LRRC37A2: variants seen among roughly 807,000 people sequenced by gnomAD.
The protein encoded by LRRC37A2 is leucine rich repeat containing 37 member A2, also known as leucine-rich repeat-containing protein 37A2.
In LRRC37A2, 9 loss-of-function variants were observed where a neutral mutation model predicts 68.8. The ratio of observed to expected loss-of-function variants is 0.13; its 90% CI spans 0.08 to 0.23. LRRC37A2 has a LOEUF of 0.23. Ranked by LOEUF, LRRC37A2 falls within the 10% of genes least tolerant of loss-of-function variation. The probability of loss-of-function intolerance (pLI) is 1.00; values close to 1 mark genes in which losing one functional copy is unlikely to be tolerated. For synonymous variants in LRRC37A2, 63 were observed against 367.6 expected (o/e 0.17, Z 9.48); for missense variants, 168 against 950.4 (o/e 0.18, Z 10.82).
the LRRC37A2 span, chr17:46,721,801 C>T: frequency 6.2e-7 from 1 of 1,601,146 alleles, no homozygotes; most frequent in Non-Finnish European, 8.6e-7. Flanking sequence ...GCACAGCTGT[C>T]AGAGTACGGC....
the LRRC37A2 span, among the ~76,000 whole-genome samples, chr17:46,982,387 G>A: frequency 6.6e-6 from 1 of 152,172 alleles, no homozygotes; most frequent in Non-Finnish European, 1.5e-5. Flanking sequence ...TGCAGAATGG[G>A]GCCCTGCCCA....
At chr17:46,934,201 C>G in the LRRC37A2 span, among the ~76,000 whole-genome samples, 6 of 152,208 alleles carry the variant, frequency 3.9e-5, no homozygotes, top group Admixed American at 3.9e-4. Context: ...GGACACACTT[C>G]CAGCTGTGTG....
the LRRC37A2 span, chr17:46,409,252 C>CT: frequency 2.6e-6 from 1 of 379,956 alleles, no homozygotes; most frequent in Non-Finnish European, 4.8e-6. Flanking sequence ...AGAAAAATAT[C>CT]TAAGTATTAT....
At chr17:47,020,806 A>AAAAAAAAAAAAAAAAAAAAC in the LRRC37A2 span, among the ~76,000 whole-genome samples, 1 of 131,202 alleles carries the variant, frequency 7.6e-6, no homozygotes, top group African/African-American at 2.7e-5. Context: ...AAAAAAAAAA[A>AAAAAAAAAAAAAAAAAAAAC]TAGGAGGGAA....
the LRRC37A2 span, among the ~76,000 whole-genome samples, chr17:46,503,161 G>A: frequency 1.4e-5 from 2 of 143,352 alleles, 1 homozygote; most frequent in African/African-American, 5.4e-5. Flanking sequence ...GCAGTGAGCC[G>A]AGATCATGCC....
At chr17:46,935,056 G>A in the LRRC37A2 span, 25 of 1,612,384 alleles carry the variant, frequency 1.6e-5, 1 homozygote, top group South Asian at 2.2e-5. Context: ...ACCAATGGAC[G>A]AATCACTGCA....
At chr17:46,925,456 A>G in the LRRC37A2 span, among the ~76,000 whole-genome samples, 2 of 152,138 alleles carry the variant, frequency 1.3e-5, no homozygotes, top group South Asian at 2.1e-4. Context: ...TATCTTGTCT[A>G]TCTTTCCTCT....
chr17:46,939,256 C>T, the LRRC37A2 span: 1 of 1,037,938 alleles, frequency 9.6e-7, no homozygotes, highest in Non-Finnish European at 1.2e-6. Context: ...GTGCTCCTGG[C>T]CACCCTCCCC....
chr17:46,987,963 G>A, the LRRC37A2 span, among the ~76,000 whole-genome samples: 1 of 152,202 alleles, frequency 6.6e-6, no homozygotes, highest in South Asian at 2.1e-4. Flanking sequence ...CCTGAGGTCA[G>A]GAGTTTGGGA....
the LRRC37A2 span, among the ~76,000 whole-genome samples, chr17:46,626,056 C>A: frequency 6.9e-6 from 1 of 145,712 alleles, no homozygotes; most frequent in Non-Finnish European, 1.5e-5. Context: ...TTTTTTAAAA[C>A]AGTAAATATT....
chr17:47,028,722 A>G, the LRRC37A2 span, among the ~76,000 whole-genome samples: 1 of 151,880 alleles, frequency 6.6e-6, no homozygotes, highest in Admixed American at 6.6e-5. Flanking sequence ...AGCCTGGCCA[A>G]CATAGTGAAA....
chr17:46,827,380 C>A, the LRRC37A2 span, among the ~76,000 whole-genome samples: 1 of 152,142 alleles, frequency 6.6e-6, no homozygotes, highest in Non-Finnish European at 1.5e-5. Flanking sequence ...TAAGAAATAT[C>A]TTTTCCCTGC....
the LRRC37A2 span, chr17:46,936,413 C>G: frequency 1.0e-6 from 1 of 985,278 alleles, no homozygotes; most frequent in African/African-American, 1.7e-5. Context: ...ACACTGATAC[C>G]AGAGGGGAAG....
At chr17:46,720,235 G>A in the LRRC37A2 span, among the ~76,000 whole-genome samples, 13 of 152,124 alleles carry the variant, frequency 8.5e-5, no homozygotes, top group Non-Finnish European at 1.9e-4. Flanking sequence ...TGGGCACTCC[G>A]GAAGTGACTA....
chr17:46,908,038 TC>T, the LRRC37A2 span, among the ~76,000 whole-genome samples: 2 of 152,104 alleles, frequency 1.3e-5, no homozygotes, highest in East Asian at 3.9e-4. Context: ...TTACCGACCC[TC>T]TAATCCCCCA....
At chr17:46,753,075 C>A in the LRRC37A2 span, among the ~76,000 whole-genome samples, 1 of 152,202 alleles carries the variant, frequency 6.6e-6, no homozygotes, top group South Asian at 2.1e-4. Context: ...GGCCAGTAAA[C>A]TTCTGTTGGA....
the LRRC37A2 span, among the ~76,000 whole-genome samples, chr17:47,033,693 T>A: frequency 6.6e-6 from 1 of 152,246 alleles, no homozygotes; most frequent in African/African-American, 2.4e-5. Context: ...ATAGCCCATC[T>A]ATCTGGACCT....
At chr17:46,977,341 C>T in the LRRC37A2 span, among the ~76,000 whole-genome samples, 3 of 152,238 alleles carry the variant, frequency 2.0e-5, no homozygotes, top group Non-Finnish European at 4.4e-5. Flanking sequence ...CCAAGAACCG[C>T]TTGAGCGGGG....
At chr17:46,746,387 T>C in the LRRC37A2 span, among the ~76,000 whole-genome samples, 1 of 152,192 alleles carries the variant, frequency 6.6e-6, no homozygotes, top group African/African-American at 2.4e-5. Flanking sequence ...AGCAGGTGGA[T>C]AAAAACAATG....
Sources: allele counts gnomAD v4.1 joint callset (sites outside exome capture counted in the v4.1 genomes callset), GRCh38; gene constraint gnomAD v4.1.1; transcripts MANE v1.5; gene names NCBI Gene and HGNC (gene_info 2026-07-23, HGNC 2026-07-21).